MYH11: variants seen among roughly 807,000 people sequenced by gnomAD.
MYH11 encodes myosin heavy chain 11, also known as myosin-11.
In MYH11, 80 loss-of-function variants were observed where a neutral mutation model predicts 246.6. The observed-to-expected ratio is 0.32, with a 90% confidence interval of 0.27 to 0.39. The LOEUF is 0.39. Among genes scored for constraint, MYH11 ranks in the 10% least tolerant of loss-of-function variants. MYH11 has a pLI of 1.00. For synonymous variants in MYH11, 1,071 were observed against 1,015.5 expected (o/e 1.05, Z -1.04); for missense variants, 2,158 against 2,546.8 (o/e 0.85, Z 3.29).
rs1219815903 is a variant in MYH11, at chr16:15,720,258, C to G, written c.4846G>C (p.Ala1616Pro). The G allele has an allele frequency of 4.3e-6, 7 of 1,614,156 alleles. No homozygotes were observed. Among genetic ancestry groups the G allele is most frequent in the Non-Finnish European group, 5.9e-6 (7 of 1,180,026 alleles). Residue 1616 changes from alanine to proline, a missense_variant, in exon 34 of 41, where the codon GCT becomes CCT. By Grantham distance (27) the Ala-to-Pro change is conservative (BLOSUM62 -1). Coordinates refer to ENST00000300036, the MANE Select transcript of MYH11 (RefSeq NM_002474.3). ...EDERKQRALA[A>P]AAKKKLEGDL... ...CCTTCCAGCTTCTTCTTTGCTGCAG[C>G]TGCCAGGGCACGTTGCTTTCGCTCG...
In MYH11 at chr16:15,747,700, A is replaced by C; in HGVS notation, c.2281T>G (p.Tyr761Asp). Residue 761 changes from tyrosine to aspartate, a missense_variant, in exon 19 of 41, where the codon TAC becomes GAC. Around this residue, in one of 11 missense-constraint regions of MYH11, gnomAD observed 56 missense variants for 47.2 expected, o/e 1.19. Coordinates refer to ENST00000300036, the MANE Select transcript of MYH11 (RefSeq NM_002474.3). The stretch of plus-strand genomic sequence containing the variant: ...AAGATTTTGCTCTGCCCTATCCTGT[A>C]TAAGTTGGGGTCAAGTTCCAGGGCT... ...IKALELDPNL[Y>D]RIGQSKIFFR... The C allele has an allele frequency of 6.2e-7, 1 of 1,614,002 alleles. No individual in the cohort carries two copies. Among genetic ancestry groups the C allele is most frequent in the Non-Finnish European group, 8.5e-7 (1 of 1,179,982 alleles).
chr16:15,801,114 G>A (rs2042874918), intron 3 of MYH11, among the ~76,000 whole-genome samples: 1 of 152,082 alleles, frequency 6.6e-6, no homozygotes, highest in Non-Finnish European at 1.5e-5. Context: ...GCTGAGGCAG[G>A]AAAATTGCTT....
intron 40 of MYH11, among the ~76,000 whole-genome samples, chr16:15,712,065 C>T (rs1159753457): frequency 2.6e-5 from 4 of 152,038 alleles, no homozygotes; most frequent in Non-Finnish European, 4.4e-5. Flanking sequence ...GAGACCAAAA[C>T]GTTAAGAAGG....
intron 6 of MYH11, chr16:15,779,099 G>A (rs1163475053): frequency 1.3e-5 from 8 of 602,270 alleles, no homozygotes; most frequent in Admixed American, 5.2e-5. Flanking sequence ...TGCAATGACC[G>A]TAGTCCATCA....
intron 37 of MYH11, chr16:15,717,651 C>T (rs1332831008): frequency 6.4e-5 from 31 of 481,892 alleles, no homozygotes; most frequent in Admixed American, 2.8e-4. Flanking sequence ...AAAAATTAGC[C>T]GGGCAGTGGT....
intron 37 of MYH11, 73 bp from the exon 38 acceptor site, chr16:15,717,421 C>T: frequency 1.3e-6 from 2 of 1,531,512 alleles, no homozygotes; most frequent in Non-Finnish European, 1.8e-6. Flanking sequence ...CATGCCTCTT[C>T]CTGCCTTGTT....
rs1749178736 is a variant in MYH11 at position 15,759,609 on chromosome 16, C to A, written c.1368G>T (p.Gly456=). Residue 456 remains glycine (G), a synonymous_variant, in exon 12 of 41, where the codon GGG becomes GGT. Transcript: ENST00000300036. ...TCTCAAATCCAGCTATATCCAGGATCCCCAGGAAGGAAGCCCCTTGCCGAT... is the reference window on the plus strand; with the variant it reads ...TCTCAAATCCAGCTATATCCAGGATACCCAGGAAGGAAGCCCCTTGCCGAT... ...KTHRQGASFL[G]ILDIAGFEIF... 6.2e-7 allele frequency: 1 copy of A among 1,614,058 alleles called. No individual in the cohort carries two copies. The highest frequency in any genetic ancestry group is 8.5e-7 in the Non-Finnish European group (1 of 1,180,028).
intron 10 of MYH11, among the ~76,000 whole-genome samples, chr16:15,762,632 C>T (rs2041894435): frequency 6.6e-6 from 1 of 152,138 alleles, no homozygotes; most frequent in African/African-American, 2.4e-5. Context: ...TCATCTCTGA[C>T]CCAACCAATC....
chr16:15,748,759 G>C (rs911010883), intron 16 of MYH11, among the ~76,000 whole-genome samples: 5 of 152,082 alleles, frequency 3.3e-5, no homozygotes, highest in African/African-American at 1.2e-4. Flanking sequence ...GGGACCACAG[G>C]TATGTGCTAC....
chr16:15,828,599 C>T (rs2043634895), intron 2 of MYH11, among the ~76,000 whole-genome samples: 1 of 152,022 alleles, frequency 6.6e-6, no homozygotes, highest in Admixed American at 6.6e-5. Context: ...TCGAGACCAG[C>T]CTGGCCAACA....
intron 28 of MYH11, chr16:15,725,848 C>G: frequency 2.5e-6 from 1 of 396,082 alleles, no homozygotes. Flanking sequence ...TAAAACCCCT[C>G]AACAGCTTCA....
chr16:15,763,741 T>TGGGGGGGGCCCCCCCC, intron 10 of MYH11, 55 bp downstream of exon 10: 1 of 646,862 alleles, frequency 1.5e-6, no homozygotes, highest in Non-Finnish European at 2.9e-6. Flanking sequence ...AAATGTCACC[T>TGGGGGGGGCCCCCCCC]CCCCCACCCC....
chr16:15,754,149 G>A (rs906899337), intron 14 of MYH11, among the ~76,000 whole-genome samples: 31 of 152,096 alleles, frequency 2.0e-4, no homozygotes, highest in African/African-American at 6.5e-4. Flanking sequence ...CCTGGGAGGC[G>A]GAGATTGCAG....
intron 33 of MYH11, among the ~76,000 whole-genome samples, chr16:15,720,587 GA>G (rs79015002): frequency 0.032 from 4,454 of 138,492 alleles, 186 homozygotes; most frequent in African/African-American, 0.099. Flanking sequence ...TGTCTCCACT[GA>G]AAAAAAAAAA....
chr16:15,769,603 A>G (rs1037837574), intron 9 of MYH11, among the ~76,000 whole-genome samples: 1 of 151,840 alleles, frequency 6.6e-6, no homozygotes, highest in Non-Finnish European at 1.5e-5. Flanking sequence ...AATTTTTTGT[A>G]TTATTTGTAG....
chr16:15,831,464 G>GGTGGGTGTGT (rs1555458280), intron 2 of MYH11, among the ~76,000 whole-genome samples: 13 of 145,588 alleles, frequency 8.9e-5, no homozygotes, highest in African/African-American at 3.1e-4. Context: ...TTATGTTTGG[G>GGTGGGTGTGT]GTGTGTGTGT....
intron 28 of MYH11, chr16:15,725,232 T>TG (rs2151220746): frequency 1.7e-6 from 1 of 602,880 alleles, no homozygotes; most frequent in African/African-American, 1.9e-5. Context: ...CCCTAGACTC[T>TG]GTGGTTCTAA....
At chr16:15,718,099 A>G in intron 37 of MYH11, 1 of 720,178 alleles carries the variant, frequency 1.4e-6, no homozygotes, top group Non-Finnish European at 2.2e-6. Context: ...GTGGCTGGAA[A>G]ATGAGACACT....
At chr16:15,806,225 C>T (rs1029031958) in intron 3 of MYH11, among the ~76,000 whole-genome samples, 2 of 132,058 alleles carry the variant, frequency 1.5e-5, no homozygotes, top group Admixed American at 8.9e-5. Flanking sequence ...TGTGGTGAGC[C>T]GAGACCACAT....
Sources: gnomAD v4.1 joint callset for allele counts (sites outside exome capture counted in the v4.1 genomes callset) on GRCh38, gnomAD v4.1.1 for gene constraint, gnomAD v4.1.1 regional missense constraint, MANE v1.5 for transcripts, NCBI Gene and HGNC (gene_info 2026-07-23, HGNC 2026-07-21) for gene names.